Variants in PPM1H observed in about 807,000 individuals in gnomAD.
PPM1H encodes the protein protein phosphatase, Mg2+/Mn2+ dependent 1H, also known as protein phosphatase 1H.
Under a neutral mutation model 54.9 loss-of-function variants are expected in PPM1H, and 27 were observed. The observed-to-expected ratio is 0.49, with a 90% CI of 0.36 to 0.68. PPM1H has a LOEUF of 0.68. PPM1H is among the 30% of genes least tolerant of loss of function. The pLI, the probability that PPM1H is intolerant of heterozygous loss-of-function variation, is 0.00. For missense variants in PPM1H, 596 were observed against 667.8 expected (o/e 0.89, Z 1.19); for synonymous variants, 305 against 270.8 (o/e 1.13, Z -1.24).
At position 62,745,677 on chromosome 12, in the gene PPM1H, T is replaced by C. The variant is rs529999371; in HGVS notation, c.870-8091A>G. On this transcript the variant is annotated intron_variant, in intron 4 of 9. Coordinates refer to ENST00000228705, the MANE Select transcript of PPM1H (RefSeq NM_020700.2). ...ACTAACTAAGAAGCCAGTGACTGAA[T>C]CTTCTTAGAAAAATAAGAACTGGTT... 3.3e-5 allele frequency among the ~76,000 whole-genome samples: 5 copies of C among 152,340 alleles called. No individual in the cohort carries two copies. The East Asian group carries it at 7.7e-4, about 23-fold the overall frequency.
At chr12:62,830,421 A>G (rs1165149640) in intron 2 of PPM1H, among the ~76,000 whole-genome samples, 4 of 151,992 alleles carry the variant, frequency 2.6e-5, no homozygotes, top group Non-Finnish European at 5.9e-5. Flanking sequence ...ATGCCCGGCT[A>G]ATTTTTTGTA....
chr12:62,769,680 G>A (rs1388416509), intron 4 of PPM1H, among the ~76,000 whole-genome samples: 1 of 152,206 alleles, frequency 6.6e-6, no homozygotes, highest in East Asian at 1.9e-4. Flanking sequence ...GTTGATGGGT[G>A]TAAACCAAAA....
In PPM1H at chr12:62,867,564, A is replaced by ATTTTTTTTTTTTTTTTT. The variant is rs34772338; in HGVS notation, c.246-35302_246-35286dup. Among the ~76,000 whole-genome samples the ATTTTTTTTTTTTTTTTT allele has an allele frequency of 6.0e-4, 33 of 55,372 alleles. 5 individuals are homozygous for ATTTTTTTTTTTTTTTTT. Among genetic ancestry groups the ATTTTTTTTTTTTTTTTT allele is most frequent in the African/African-American group, 1.3e-3 (20 of 15,612 alleles). 36.3% of individuals were successfully genotyped at this position (55,372 alleles called of 152,430 possible). On this transcript the variant is annotated intron_variant, in intron 1 of 9. Transcript: ENST00000228705. The stretch of plus-strand genomic sequence containing the variant: ...TCCTGAAATACATCTTATGAGCACT[A>ATTTTTTTTTTTTTTTTT]TTTTTTTTTTTTTTTTTTTTTTTTT...
At chr12:62,659,407 A>T (rs534912630) in intron 9 of PPM1H, among the ~76,000 whole-genome samples, 1 of 152,256 alleles carries the variant, frequency 6.6e-6, no homozygotes, top group South Asian at 2.1e-4. Context: ...CACCAGGGTC[A>T]GAAAGATCAT....
At chr12:62,666,828 C>T (rs141975041) in intron 9 of PPM1H, among the ~76,000 whole-genome samples, 2,462 of 152,238 alleles carry the variant, frequency 0.016, 34 homozygotes, top group Middle Eastern at 0.031. Context: ...ATTCTCCTGC[C>T]TCTGCCTCCC....
chr12:62,662,497 A>G (rs2075890413), intron 9 of PPM1H, among the ~76,000 whole-genome samples: 1 of 152,218 alleles, frequency 6.6e-6, no homozygotes, highest in Admixed American at 6.5e-5. Flanking sequence ...GTGAGACATA[A>G]CAACACACAC....
chr12:62,871,834 T>C (rs1318762335), intron 1 of PPM1H, among the ~76,000 whole-genome samples: 1 of 152,082 alleles, frequency 6.6e-6, no homozygotes, highest in Non-Finnish European at 1.5e-5. Context: ...ATATCTTAAA[T>C]GGGTGAACTG....
intron 4 of PPM1H, among the ~76,000 whole-genome samples, chr12:62,738,189 C>T (rs2076360972): frequency 6.6e-6 from 1 of 152,182 alleles, no homozygotes; most frequent in Non-Finnish European, 1.5e-5. Flanking sequence ...GGGCCAGCAG[C>T]ATTGGCTTCA....
At chr12:62,705,525 T>TA (rs1491086130) in intron 6 of PPM1H, among the ~76,000 whole-genome samples, 13 of 151,952 alleles carry the variant, frequency 8.6e-5, no homozygotes, top group Non-Finnish European at 1.3e-4. Context: ...TCAGTATTTT[T>TA]AAAAAAAGTA....
At chr12:62,665,056 T>C (rs2075909324) in intron 9 of PPM1H, among the ~76,000 whole-genome samples, 1 of 151,934 alleles carries the variant, frequency 6.6e-6, no homozygotes, top group African/African-American at 2.4e-5. Flanking sequence ...AGTTTCTTTC[T>C]CTTTTTTTTG....
intron 6 of PPM1H, among the ~76,000 whole-genome samples, chr12:62,714,025 G>A (rs1438854457): frequency 6.6e-6 from 1 of 151,928 alleles, no homozygotes; most frequent in African/African-American, 2.4e-5. Context: ...GGGATGCTGA[G>A]TTACAGAGAG....
chr12:62,867,234 G>C (rs1176949554), intron 1 of PPM1H, among the ~76,000 whole-genome samples: 4 of 152,172 alleles, frequency 2.6e-5, no homozygotes, highest in African/African-American at 9.7e-5. Flanking sequence ...CTAATGCTAA[G>C]TCATAGCTTC....
intron 6 of PPM1H, among the ~76,000 whole-genome samples, chr12:62,712,967 C>A (rs1378700478): frequency 6.6e-6 from 1 of 152,188 alleles, no homozygotes; most frequent in Non-Finnish European, 1.5e-5. Context: ...CATTCTGTGG[C>A]GTTTCTCAAT....
chr12:62,729,967 CT>C (rs1387043437), intron 5 of PPM1H, among the ~76,000 whole-genome samples: 2 of 152,102 alleles, frequency 1.3e-5, no homozygotes, highest in Admixed American at 6.5e-5. Flanking sequence ...TGAAAATGGC[CT>C]GTTCCTGCCT....
chr12:62,914,998 A>T (rs1350971672), intron 1 of PPM1H, among the ~76,000 whole-genome samples: 1 of 152,128 alleles, frequency 6.6e-6, no homozygotes, highest in Non-Finnish European at 1.5e-5. Flanking sequence ...CCCAAACATA[A>T]ACCTCATGTC....
In PPM1H at chr12:62,832,065, T is replaced by G. The variant is rs764384070; in HGVS notation, c.411+49A>C. On this transcript the variant is annotated intron_variant, in intron 2 of 9. Transcript: ENST00000228705. ...CTAATGTCTTCCAGTGGGACCAAAGTGTGTGCCATTCTTCTCACCTGAGAA... is the reference window on the plus strand; with the variant it reads ...CTAATGTCTTCCAGTGGGACCAAAGGGTGTGCCATTCTTCTCACCTGAGAA... 6.9e-6 allele frequency: 11 copies of G among 1,585,870 alleles called. No homozygotes were observed. In the South Asian group the frequency reaches 1.0e-4, roughly 14 times the overall value.
intron 6 of PPM1H, among the ~76,000 whole-genome samples, chr12:62,711,139 G>A (rs554899214): frequency 3.9e-5 from 6 of 152,198 alleles, no homozygotes; most frequent in South Asian, 4.1e-4. Flanking sequence ...CTATAGGCAC[G>A]TGCCAACACA....
At chr12:62,775,434 A>C (rs1298524259) in intron 4 of PPM1H, among the ~76,000 whole-genome samples, 1 of 152,230 alleles carries the variant, frequency 6.6e-6, no homozygotes, top group Non-Finnish European at 1.5e-5. Flanking sequence ...GAATTTGTGT[A>C]AGATTCTACC....
At chr12:62,695,174 A>ACC (rs2136642878) in intron 6 of PPM1H, among the ~76,000 whole-genome samples, 1 of 152,262 alleles carries the variant, frequency 6.6e-6, no homozygotes, top group African/African-American at 2.4e-5. Context: ...AAAGCATGCA[A>ACC]CCCCAAAGTT....
Sources: allele counts gnomAD v4.1 joint callset (sites outside exome capture counted in the v4.1 genomes callset), GRCh38; gene constraint gnomAD v4.1.1; transcripts MANE v1.5; gene names NCBI Gene and HGNC (gene_info 2026-07-23, HGNC 2026-07-21).